EDNRA: variants seen among roughly 807,000 people sequenced by gnomAD.
EDNRA encodes endothelin receptor type A.
A neutral mutation model predicts 41.4 loss-of-function variants in EDNRA; 11 were observed. The ratio of observed to expected loss-of-function variants is 0.27; its 90% confidence interval spans 0.17 to 0.44. The LOEUF is 0.44. EDNRA is among the 20% of genes least tolerant of loss of function. The pLI, the probability that EDNRA is intolerant of heterozygous loss-of-function variation, is 1.00. For synonymous variants in EDNRA, 172 were observed against 183.0 expected, an observed-to-expected ratio of 0.94 and a Z score of 0.49; for missense variants, 294 against 531.0, an observed-to-expected ratio of 0.55 and a Z score of 4.39.
intron 2 of EDNRA, chr4:147,495,586 A>C (rs1729275510): frequency 6.6e-6 from 1 of 152,230 alleles, no homozygotes; most frequent in Non-Finnish European, 1.5e-5. Flanking sequence ...AATAAAAAAT[A>C]AATAAACTGA....
intron 5 of EDNRA, among the ~76,000 whole-genome samples, 191 bp from the exon 6 acceptor site, chr4:147,539,626 T>A (rs976748038): frequency 2.0e-5 from 3 of 152,080 alleles, no homozygotes; most frequent in Non-Finnish European, 4.4e-5. Flanking sequence ...GAAGCATCAT[T>A]AGCAATTCCT....
chr4:147,539,706 T>C, intron 5 of EDNRA, 111 bp from the exon 6 acceptor site: 1 of 1,285,678 alleles, frequency 7.8e-7, no homozygotes, highest in East Asian at 2.3e-5. Flanking sequence ...CTCCTGGCTC[T>C]TCTTTGAATT....
Position 147,540,379 on chromosome 4 carries a change from T to G in EDNRA, c.1037T>G (p.Phe346Cys). 6.2e-7 allele frequency: 1 copy of G among 1,607,116 alleles called. No individual in the cohort carries two copies. Among genetic ancestry groups the G allele is most frequent in the Non-Finnish European group, 8.5e-7 (1 of 1,175,314 alleles). The change falls in exon 7 of 8, where the codon TTC becomes TGC. Residue 346 changes from phenylalanine (F) to cysteine (C), a missense_variant and splice_region_variant. Physicochemically the swap from Phe to Cys is radical, Grantham distance 205. This residue lies in a region of EDNRA where 185 missense variants were observed against 390.8 expected (regional missense o/e 0.47). Transcript: ENST00000651419. ...MDKNRCELLS[F>C]LLLMDYIGIN... ...TACACCATTTTCTTTTGCTCTAGTTTCTTACTGCTCATGGATTACATCGGT... is the reference window on the plus strand; with the variant it reads ...TACACCATTTTCTTTTGCTCTAGTTGCTTACTGCTCATGGATTACATCGGT...
intron 2 of EDNRA, chr4:147,495,294 T>C (rs1346060472): frequency 3.3e-5 from 5 of 152,198 alleles, no homozygotes; most frequent in Non-Finnish European, 7.3e-5. Context: ...ACAAACCTTA[T>C]CATTACCAAA....
At chr4:147,515,394 T>C (rs1337513284) in intron 2 of EDNRA, among the ~76,000 whole-genome samples, 5 of 152,072 alleles carry the variant, frequency 3.3e-5, no homozygotes, top group African/African-American at 4.8e-5. Context: ...GGCAAAATTG[T>C]CCCCTGGTTG....
At chr4:147,540,135 T>A (rs1344931406) in intron 6 of EDNRA, among the ~76,000 whole-genome samples, 185 bp downstream of exon 6, 1 of 152,222 alleles carries the variant, frequency 6.6e-6, no homozygotes, top group Non-Finnish European at 1.5e-5. Flanking sequence ...ACATCTGTTA[T>A]CTTGCCCCTC....
chr4:147,537,088 A>G (rs1730944274), intron 5 of EDNRA, among the ~76,000 whole-genome samples: 1 of 152,204 alleles, frequency 6.6e-6, no homozygotes, highest in Non-Finnish European at 1.5e-5. Flanking sequence ...CTACACCAAA[A>G]GTTAATGTGA....
At chr4:147,533,436 T>C (rs1017911272) in intron 4 of EDNRA, among the ~76,000 whole-genome samples, 2 of 152,222 alleles carry the variant, frequency 1.3e-5, no homozygotes, top group African/African-American at 4.8e-5. Flanking sequence ...AGGATAACTA[T>C]TTCTCTTAAA....
intron 3 of EDNRA, among the ~76,000 whole-genome samples, chr4:147,521,840 CA>C (rs1341099877): frequency 2.0e-5 from 3 of 152,060 alleles, no homozygotes; most frequent in Non-Finnish European, 4.4e-5. Context: ...GAAAAAAGAA[CA>C]ATGTGTCCTA....
At chr4:147,487,717 C>A (rs1728996162) in intron 2 of EDNRA, among the ~76,000 whole-genome samples, 1 of 152,020 alleles carries the variant, frequency 6.6e-6, no homozygotes, top group South Asian at 2.1e-4. Context: ...AAAAACTTCC[C>A]AAAATTACAC....
chr4:147,524,289 C>G (rs1019783041), intron 3 of EDNRA, among the ~76,000 whole-genome samples: 13 of 151,898 alleles, frequency 8.6e-5, no homozygotes, highest in South Asian at 8.3e-4. Context: ...GAGCATCATG[C>G]GGAGCTTCAG....
chr4:147,539,138 C>A (rs1342895362), intron 5 of EDNRA, among the ~76,000 whole-genome samples: 4 of 151,816 alleles, frequency 2.6e-5, no homozygotes, highest in Non-Finnish European at 5.9e-5. Flanking sequence ...TTACCCTCAT[C>A]CTTCTGCTTG....
rs57911108 is a variant in EDNRA at position 147,504,957 on chromosome 4, C to CAAAAAAAAAAAAAAA, written c.421-14888_421-14874dup. On this transcript the variant is annotated intron_variant, in intron 2 of 7. Coordinates refer to ENST00000651419, the MANE Select transcript of EDNRA (RefSeq NM_001957.4). ...TGGGCAACAAAGTGGGACCCTGTCT[C>CAAAAAAAAAAAAAAA]AAAAAAAAAAAAAAAAAAAAGGATT... 1.6e-3 allele frequency among the ~76,000 whole-genome samples: 63 copies of CAAAAAAAAAAAAAAA among 39,036 alleles called. 3 individuals carry two copies. Among genetic ancestry groups the CAAAAAAAAAAAAAAA allele is most frequent in the African/African-American group, 3.5e-3 (30 of 8,454 alleles). The allele number at this position is 39,036 out of a possible 152,430, so 25.6% of individuals were successfully genotyped here.
chr4:147,519,893 G>C lies in EDNRA; in HGVS notation c.463G>C (p.Val155Leu). ...RWPFDHNDFG[V>L]FLCKLFPFLQ... ...GCCTTTTGATCACAATGACTTTGGC[G>C]TATTTCTTTGCAAGCTGTTCCCCTT... The change falls in exon 3 of 8, where the codon GTA becomes CTA. Residue 155 changes from valine to leucine, a missense_variant. Physicochemically the swap from Val to Leu is conservative, Grantham distance 32. Transcript: ENST00000651419. This position sits in a 1 kb window ranked among gnomAD's most constrained non-coding sequence, Gnocchi z 4.1. 2 of 1,613,448 alleles carry C rather than the reference G, an allele frequency of 1.2e-6. No homozygotes were observed. The highest frequency in any genetic ancestry group is 1.3e-5 in the African/African-American group (1 of 74,970).
chr4:147,507,593 G>T (rs1158760078), intron 2 of EDNRA, among the ~76,000 whole-genome samples: 2 of 152,156 alleles, frequency 1.3e-5, no homozygotes, highest in African/African-American at 4.8e-5. Flanking sequence ...GATCCTTGCG[G>T]TGATAAACCT....
intron 2 of EDNRA, among the ~76,000 whole-genome samples, chr4:147,505,861 G>A (rs568769444): frequency 6.6e-6 from 1 of 151,926 alleles, no homozygotes; most frequent in East Asian, 1.9e-4. Flanking sequence ...TGTCAGCCAG[G>A]ATGGTCTCAA....
rs369592968 is a variant in EDNRA, at chr4:147,482,897, C to T, written c.-71+1521C>T. On this transcript the variant is annotated intron_variant, in intron 1 of 7. Transcript: ENST00000651419. ...GTCAGTTCACAGGTCAGTTCCCAGC[C>T]GACTGTAACCGGCAGAGAGCCATTC... Among the ~76,000 whole-genome samples the T allele has an allele frequency of 3.3e-5, 5 of 152,322 alleles. No homozygotes were observed. In the East Asian group the frequency reaches 9.6e-4, roughly 29 times the overall value.
At chr4:147,510,250 G>A (rs1348288292) in intron 2 of EDNRA, among the ~76,000 whole-genome samples, 1 of 152,086 alleles carries the variant, frequency 6.6e-6, no homozygotes, top group African/African-American at 2.4e-5. Context: ...AGGCTCTCTG[G>A]GTTTGCAGGT....
chr4:147,482,663 T>A (rs1728808946), intron 1 of EDNRA, among the ~76,000 whole-genome samples: 1 of 152,212 alleles, frequency 6.6e-6, no homozygotes, highest in Non-Finnish European at 1.5e-5. Flanking sequence ...GGAGAGCTGA[T>A]AGAGAAGTCA....
Sources: gnomAD v4.1 joint callset for allele counts (sites outside exome capture counted in the v4.1 genomes callset) on GRCh38, gnomAD v4.1.1 for gene constraint, gnomAD v4.1.1 regional missense constraint, Gnocchi (gnomAD v3.1) non-coding constraint, MANE v1.5 for transcripts, NCBI Gene and HGNC (gene_info 2026-07-23, HGNC 2026-07-21) for gene names.